RPA3: variants seen among roughly 807,000 people sequenced by gnomAD.
The protein encoded by RPA3 is replication protein A3.
Under a neutral mutation model 13.7 loss-of-function variants are expected in RPA3, and 24 were observed. That is an observed-to-expected ratio of 1.75 (90% CI 1.27 to 2.46). RPA3 has a LOEUF of 2.46. RPA3 is among the 30% of genes most tolerant of loss of function. RPA3 has a pLI of 0.00. For synonymous variants in RPA3, 59 were observed against 51.2 expected, an observed-to-expected ratio of 1.15 and a Z score of -0.65; for missense variants, 183 against 151.0, an observed-to-expected ratio of 1.21 and a Z score of -1.11.
At chr7:7,702,941 G>C (rs571829283) in intron 2 of RPA3, among the ~76,000 whole-genome samples, 1 of 152,290 alleles carries the variant, frequency 6.6e-6, no homozygotes, top group South Asian at 2.1e-4. Context: ...TTTTTCACTT[G>C]CGTCATTCTC....
At position 7,681,963 on chromosome 7, in the gene RPA3, A is replaced by G. The variant is rs527848589; in HGVS notation, c.-758+3867T>C. On this transcript the variant is annotated intron_variant, in intron 4 of 7. Coordinates refer to ENST00000223129, the MANE Select transcript of RPA3 (RefSeq NM_002947.5). ...CAAAAAGAAGGAAAAATAACAACAA[A>G]AAGTAATAGGATATAAATGAAAAGG... Among the ~76,000 whole-genome samples, 8 of 152,336 alleles carry G rather than the reference A, an allele frequency of 5.3e-5. 1 individual carries two copies. Among genetic ancestry groups the G allele is most frequent in the African/African-American group, 1.9e-4 (8 of 41,586 alleles).
intron 4 of RPA3, among the ~76,000 whole-genome samples, chr7:7,664,512 T>C (rs1779388607): frequency 6.6e-6 from 1 of 152,226 alleles, no homozygotes; most frequent in Admixed American, 6.5e-5. Flanking sequence ...TCTTTTGCAG[T>C]CTTGATTTCT....
chr7:7,664,740 T>G (rs181448573), intron 4 of RPA3, among the ~76,000 whole-genome samples: 1 of 152,346 alleles, frequency 6.6e-6, no homozygotes, highest in African/African-American at 2.4e-5. Flanking sequence ...TGTTTTATGC[T>G]TTCTAGCGTT....
intron 4 of RPA3, among the ~76,000 whole-genome samples, chr7:7,661,109 T>G (rs1053699860): frequency 1.3e-5 from 2 of 152,200 alleles, no homozygotes; most frequent in African/African-American, 4.8e-5. Flanking sequence ...TTGATTCGGC[T>G]ATTGATACTT....
intron 2 of RPA3, among the ~76,000 whole-genome samples, chr7:7,714,277 G>T (rs771259567): frequency 6.6e-6 from 1 of 152,288 alleles, no homozygotes; most frequent in Non-Finnish European, 1.5e-5. Context: ...TAAATCCTTG[G>T]ATGTTGACAG....
intron 2 of RPA3, among the ~76,000 whole-genome samples, chr7:7,712,658 G>T (rs917987506): frequency 1.3e-5 from 2 of 152,004 alleles, no homozygotes; most frequent in African/African-American, 2.4e-5. Flanking sequence ...AATCCTTGTG[G>T]TTTCATTTTA....
chr7:7,696,705 C>T (rs1395843828), intron 2 of RPA3, among the ~76,000 whole-genome samples: 2 of 152,258 alleles, frequency 1.3e-5, no homozygotes, highest in East Asian at 1.9e-4. Context: ...ATTTTTCTGC[C>T]TCTAGAACTG....
At chr7:7,652,065 G>T (rs550334291) in intron 4 of RPA3, among the ~76,000 whole-genome samples, 31 of 152,116 alleles carry the variant, frequency 2.0e-4, no homozygotes, top group Non-Finnish European at 4.3e-4. Flanking sequence ...TAAGACTTTG[G>T]GGTCTCCATG....
chr7:7,673,711 C>CTTT (rs1303262041), intron 4 of RPA3, among the ~76,000 whole-genome samples: 8,474 of 88,456 alleles, frequency 0.096, 312 homozygotes, highest in Middle Eastern at 0.23. Context: ...TTTTCCCCCC[C>CTTT]TTTTTTTTTT....
intron 4 of RPA3, among the ~76,000 whole-genome samples, chr7:7,645,975 C>G (rs898505269): frequency 6.6e-6 from 1 of 152,154 alleles, no homozygotes; most frequent in African/African-American, 2.4e-5. Context: ...GTTTGCTCGG[C>G]TGCCGTGTAC....
intron 2 of RPA3, among the ~76,000 whole-genome samples, chr7:7,703,638 T>C (rs920376181): frequency 6.6e-6 from 1 of 152,150 alleles, no homozygotes; most frequent in African/African-American, 2.4e-5. Context: ...CAAAGTTCAG[T>C]TCCTTCTTCT....
In RPA3 at chr7:7,639,159, T is replaced by C; in HGVS notation, c.100-15A>G. ...GTGGGATGAATCTAAAAACGAAACA[T>C]ATAATTAAAATCTCACTAAAACAAC... On this transcript the variant is annotated splice_polypyrimidine_tract_variant and intron_variant, in intron 5 of 7. Transcript: ENST00000223129. The C allele has an allele frequency of 1.3e-6, 2 of 1,598,678 alleles. No homozygotes were observed. Among genetic ancestry groups the C allele is most frequent in the South Asian group, 1.1e-5 (1 of 88,794 alleles).
In RPA3 at chr7:7,690,686, T is replaced by C. The variant is rs545847336; in HGVS notation, c.-1027-3358A>G. 1.1e-4 allele frequency among the ~76,000 whole-genome samples: 17 copies of C among 152,222 alleles called. No homozygotes were observed. In the South Asian group the frequency reaches 3.5e-3, roughly 32 times the overall value. ...AATACTTTAATATATCTAAATTCTT[T>C]TGTTTTTGCTAAGGAGAGAAAGGAA... On this transcript the variant is annotated intron_variant, in intron 2 of 7. Coordinates refer to ENST00000223129, the MANE Select transcript of RPA3 (RefSeq NM_002947.5).
chr7:7,707,030 C>T (rs951077536), intron 2 of RPA3, among the ~76,000 whole-genome samples: 2 of 152,132 alleles, frequency 1.3e-5, no homozygotes, highest in African/African-American at 4.8e-5. Context: ...GAAACAGAAA[C>T]ATGACTGTGT....
At chr7:7,686,248 GTAT>G (rs1375794054) in intron 3 of RPA3, among the ~76,000 whole-genome samples, 1 of 152,174 alleles carries the variant, frequency 6.6e-6, no homozygotes, top group Non-Finnish European at 1.5e-5. Context: ...GGCAGGGCCA[GTAT>G]TCTTGGCTGA....
chr7:7,652,354 A>AT (rs1785243156), intron 4 of RPA3, among the ~76,000 whole-genome samples: 1 of 152,076 alleles, frequency 6.6e-6, no homozygotes, highest in African/African-American at 2.4e-5. Flanking sequence ...ATGGTCTCTG[A>AT]TTTTCAGTTG....
intron 1 of RPA3, among the ~76,000 whole-genome samples, chr7:7,718,030 T>G (rs887376708): frequency 6.6e-6 from 1 of 152,226 alleles, no homozygotes; most frequent in African/African-American, 2.4e-5. Flanking sequence ...ATTGACACAA[T>G]GATTTTTAAT....
At chr7:7,700,767 A>C (rs1780441003) in intron 2 of RPA3, among the ~76,000 whole-genome samples, 1 of 152,168 alleles carries the variant, frequency 6.6e-6, no homozygotes, top group African/African-American at 2.4e-5. Flanking sequence ...GGGTGCCTGT[A>C]ATCAAAGCTA....
chr7:7,680,415 G>T (rs927177024), intron 4 of RPA3, among the ~76,000 whole-genome samples: 1 of 151,978 alleles, frequency 6.6e-6, no homozygotes, highest in East Asian at 1.9e-4. Context: ...TTTTTATGCC[G>T]GTACTGTGCT....
Sources: gnomAD v4.1 joint callset for allele counts (sites outside exome capture counted in the v4.1 genomes callset) on GRCh38, gnomAD v4.1.1 for gene constraint, MANE v1.5 for transcripts, NCBI Gene and HGNC (gene_info 2026-07-23, HGNC 2026-07-21) for gene names.